OSBPL9: variants seen among roughly 807,000 people sequenced by gnomAD.
OSBPL9 encodes oxysterol-binding protein-related protein 9.
OSBPL9 carries 40 observed loss-of-function variants against 106.6 expected under a neutral mutation model. The observed-to-expected ratio is 0.38, with a 90% confidence interval of 0.29 to 0.49. The LOEUF (loss-of-function observed/expected upper bound fraction) is 0.49, where lower values mean the gene tolerates loss of function less well. Ranked by LOEUF, OSBPL9 falls within the 20% of genes least tolerant of loss-of-function variation. The pLI is 0.97. For missense variants in OSBPL9, 609 were observed against 887.2 expected, an observed-to-expected ratio of 0.69 and a Z score of 3.98; for synonymous variants, 269 against 295.4, an observed-to-expected ratio of 0.91 and a Z score of 0.92.
intron 3 of OSBPL9, among the ~76,000 whole-genome samples, chr1:51,676,679 A>AT (rs1249345449): frequency 6.6e-6 from 1 of 151,050 alleles, no homozygotes; most frequent in Non-Finnish European, 1.5e-5. Context: ...AAAAAAAAAA[A>AT]TTGACAATGA....
intron 2 of OSBPL9, among the ~76,000 whole-genome samples, chr1:51,605,991 G>C (rs1278271038): frequency 6.8e-6 from 1 of 147,000 alleles, no homozygotes; most frequent in Non-Finnish European, 1.5e-5. Context: ...GAAAGAGAGC[G>C]AGAGAGAGAG....
intron 1 of OSBPL9, among the ~76,000 whole-genome samples, chr1:51,648,426 G>A (rs1646301634): frequency 6.6e-6 from 1 of 152,176 alleles, no homozygotes; most frequent in South Asian, 2.1e-4. Context: ...GAGCAGATAG[G>A]AGGGAGCTCT....
chr1:51,633,512 G>A (rs1020265150), intron 1 of OSBPL9, among the ~76,000 whole-genome samples: 4 of 151,804 alleles, frequency 2.6e-5, no homozygotes, highest in Non-Finnish European at 5.9e-5. Context: ...GGATCAATGA[G>A]CCTGGGAAGT....
At chr1:51,686,023 G>T (rs955140668) in intron 3 of OSBPL9, among the ~76,000 whole-genome samples, 14 of 152,136 alleles carry the variant, frequency 9.2e-5, no homozygotes, top group Non-Finnish European at 4.4e-5. Context: ...AATTGAACTG[G>T]TCCTTGAATA....
chr1:51,620,414 A>G lies in OSBPL9; in HGVS notation c.111+3193A>G, dbSNP rs187584074. The stretch of plus-strand genomic sequence containing the variant: ...TGGAAATTGTTCATCCTCTCATGGT[A>G]CCTATAATATGTTGGGGGACATACC... On this transcript the variant is annotated intron_variant, in intron 1 of 23. Transcript: ENST00000428468. 4.7e-4 allele frequency among the ~76,000 whole-genome samples: 71 copies of G among 152,204 alleles called. 3 individuals are homozygous for G. In the South Asian group the frequency reaches 0.012, roughly 25 times the overall value.
intron 4 of OSBPL9, among the ~76,000 whole-genome samples, chr1:51,723,216 C>T (rs1047988877): frequency 4.6e-5 from 7 of 152,058 alleles, no homozygotes; most frequent in Non-Finnish European, 8.8e-5. Flanking sequence ...TGGGTTTGGT[C>T]GATTTTATAA....
chr1:51,569,124 A>G, the OSBPL9 span, among the ~76,000 whole-genome samples: 5 of 152,300 alleles, frequency 3.3e-5, no homozygotes, highest in East Asian at 9.6e-4. Context: ...CTAGTTACAT[A>G]TTTAGGTTAC....
At chr1:51,664,392 A>G (rs1360108275) in intron 2 of OSBPL9, among the ~76,000 whole-genome samples, 3 of 152,140 alleles carry the variant, frequency 2.0e-5, no homozygotes, top group Non-Finnish European at 4.4e-5. Context: ...GTCCATTTGT[A>G]TACAATTCAA....
chr1:51,768,610 G>A (rs1374346498), intron 12 of OSBPL9, among the ~76,000 whole-genome samples: 1 of 152,248 alleles, frequency 6.6e-6, no homozygotes, highest in Non-Finnish European at 1.5e-5. Flanking sequence ...GCATATGACT[G>A]TATTCAGTAA....
chr1:51,641,460 TTAAG>T (rs1444756333), intron 1 of OSBPL9, among the ~76,000 whole-genome samples: 30 of 152,250 alleles, frequency 2.0e-4, no homozygotes, highest in African/African-American at 7.0e-4. Context: ...GTTTCTCACA[TTAAG>T]TAAGCCATAG....
At chr1:51,722,810 A>G (rs1203911229) in intron 4 of OSBPL9, among the ~76,000 whole-genome samples, 1 of 152,184 alleles carries the variant, frequency 6.6e-6, no homozygotes, top group Non-Finnish European at 1.5e-5. Flanking sequence ...CTACATGGAA[A>G]TTGACTGACT....
chr1:51,614,707 A>G (rs1368889376), upstream of OSBPL9, among the ~76,000 whole-genome samples: 1 of 152,116 alleles, frequency 6.6e-6, no homozygotes, highest in African/African-American at 2.4e-5. Flanking sequence ...GCTAATATTA[A>G]TTGAGTGCTT....
intron 3 of OSBPL9, among the ~76,000 whole-genome samples, chr1:51,681,731 C>T (rs940390987): frequency 6.6e-6 from 1 of 152,040 alleles, no homozygotes; most frequent in Non-Finnish European, 1.5e-5. Context: ...CCACTCCCCA[C>T]CCCCAGTACC....
the OSBPL9 span, among the ~76,000 whole-genome samples, chr1:51,557,466 C>T: frequency 1.3e-5 from 2 of 152,126 alleles, no homozygotes; most frequent in African/African-American, 4.8e-5. Flanking sequence ...TTTAGTGCCC[C>T]TTTGCCCCCA....
Position 51,740,166 on chromosome 1 carries a change from C to T in OSBPL9, c.319-5370C>T, listed in dbSNP as rs774433488. Reference sequence around the variant, plus strand: ...AGATCAGTACCACACTTGCTTTTTTCCAGTCTTCTGGTATCTCTCCAGTTC... The same window carrying T: ...AGATCAGTACCACACTTGCTTTTTTTCAGTCTTCTGGTATCTCTCCAGTTC... On this transcript the variant is annotated intron_variant, in intron 4 of 23. Coordinates refer to ENST00000428468, the MANE Select transcript of OSBPL9 (RefSeq NM_024586.6). The T allele has an allele frequency of 1.9e-5, 30 of 1,545,852 alleles. No individual in the cohort carries two copies. The South Asian group carries it at 3.3e-4, about 17-fold the overall frequency.
intron 7 of OSBPL9, chr1:51,749,467 C>T (rs1410114290): frequency 2.4e-6 from 1 of 414,120 alleles, no homozygotes; most frequent in Admixed American, 2.4e-5. Flanking sequence ...CACACGCTAC[C>T]ACACACAGCT....
chr1:51,716,782 A>G (rs916092199), intron 4 of OSBPL9, among the ~76,000 whole-genome samples: 3 of 152,190 alleles, frequency 2.0e-5, no homozygotes, highest in Admixed American at 6.5e-5. Context: ...CCAAAGGGGT[A>G]TAGGAGAGGA....
intron 1 of OSBPL9, among the ~76,000 whole-genome samples, chr1:51,581,055 T>C (rs1369539325): frequency 2.0e-5 from 3 of 146,836 alleles, no homozygotes; most frequent in African/African-American, 7.5e-5. Flanking sequence ...GTGATCCTCC[T>C]ACCTCAGGCA....
chr1:51,621,082 C>G (rs1465517342), intron 1 of OSBPL9, among the ~76,000 whole-genome samples: 1 of 152,164 alleles, frequency 6.6e-6, no homozygotes, highest in Non-Finnish European at 1.5e-5. Context: ...AAAATGAATT[C>G]ATTTCATCCA....
Sources: allele counts gnomAD v4.1 joint callset (sites outside exome capture counted in the v4.1 genomes callset), GRCh38; gene constraint gnomAD v4.1.1; transcripts MANE v1.5; gene names NCBI Gene and HGNC (gene_info 2026-07-23, HGNC 2026-07-21).